Variants in NBAS observed in about 807,000 individuals in gnomAD.
NBAS encodes NAG/BC035112 fusion.
NBAS carries 219 observed loss-of-function variants against 302.5 expected under a neutral mutation model. The ratio of observed to expected loss-of-function variants is 0.72; its 90% CI spans 0.65 to 0.81. The LOEUF (loss-of-function observed/expected upper bound fraction) is 0.81, where lower values mean the gene tolerates loss of function less well. Ranked by LOEUF, NBAS falls within the 30% of genes least tolerant of loss-of-function variation. The probability of loss-of-function intolerance (pLI) is 0.00; values close to 1 mark genes in which losing one functional copy is unlikely to be tolerated. For synonymous variants in NBAS, 1,118 were observed against 1,021.6 expected, an observed-to-expected ratio of 1.09 and a Z score of -1.80; for missense variants, 2,932 against 2,841.6, an observed-to-expected ratio of 1.03 and a Z score of -0.72.
chr2:15,405,920 A>G (rs1572796958), intron 25 of NBAS, among the ~76,000 whole-genome samples: 1 of 152,262 alleles, frequency 6.6e-6, no homozygotes, highest in Admixed American at 6.5e-5. Flanking sequence ...TTAAGAATAC[A>G]TAAACTAATA....
At chr2:14,807,391 C>A in the NBAS span, among the ~76,000 whole-genome samples, 1 of 151,904 alleles carries the variant, frequency 6.6e-6, no homozygotes, top group Non-Finnish European at 1.5e-5. Context: ...AAATAATTAT[C>A]CATAGCTCTT....
intron 10 of NBAS, among the ~76,000 whole-genome samples, chr2:15,509,298 G>A (rs941663869): frequency 2.4e-4 from 36 of 152,202 alleles, no homozygotes; most frequent in African/African-American, 8.4e-4. Context: ...GGTGCCTTAG[G>A]CTCCTTATTT....
chr2:15,479,296 G>A (rs569462680), intron 12 of NBAS, among the ~76,000 whole-genome samples: 1 of 152,198 alleles, frequency 6.6e-6, no homozygotes, highest in African/African-American at 2.4e-5. Flanking sequence ...CATAAGAAAC[G>A]ATGACTAAGT....
chr2:15,263,120 A>C (rs2148019912), intron 44 of NBAS, among the ~76,000 whole-genome samples: 1 of 152,280 alleles, frequency 6.6e-6, no homozygotes, highest in South Asian at 2.1e-4. Context: ...TCCTTTCTCC[A>C]ATCATCACAA....
At chr2:15,086,436 C>T in the NBAS span, among the ~76,000 whole-genome samples, 1 of 152,222 alleles carries the variant, frequency 6.6e-6, no homozygotes, top group Non-Finnish European at 1.5e-5. Flanking sequence ...AGGACAAGAA[C>T]TCAGGACCCA....
chr2:14,993,581 C>T, the NBAS span, among the ~76,000 whole-genome samples: 4 of 152,178 alleles, frequency 2.6e-5, no homozygotes, highest in Non-Finnish European at 2.9e-5. Flanking sequence ...AATTTTGAAT[C>T]ACAAAATTTG....
At chr2:14,780,065 G>C in the NBAS span, among the ~76,000 whole-genome samples, 1 of 152,130 alleles carries the variant, frequency 6.6e-6, no homozygotes, top group African/African-American at 2.4e-5. Flanking sequence ...CATGTGGAGA[G>C]CAGAACTGAA....
chr2:14,945,439 C>T, the NBAS span, among the ~76,000 whole-genome samples: 1 of 152,102 alleles, frequency 6.6e-6, no homozygotes, highest in South Asian at 2.1e-4. Flanking sequence ...AGAAACAAAG[C>T]AAGGAAACAG....
chr2:15,282,100 T>C (rs1359273325), intron 42 of NBAS, among the ~76,000 whole-genome samples: 2 of 152,216 alleles, frequency 1.3e-5, no homozygotes, highest in African/African-American at 2.4e-5. Context: ...TCAACATTCC[T>C]ACTCTAACAA....
At chr2:14,919,152 C>G in the NBAS span, among the ~76,000 whole-genome samples, 4 of 152,016 alleles carry the variant, frequency 2.6e-5, no homozygotes, top group African/African-American at 9.7e-5. Context: ...ATACATGCAT[C>G]TCACCTTGGA....
chr2:15,013,854 C>T, the NBAS span, among the ~76,000 whole-genome samples: 6 of 151,694 alleles, frequency 4.0e-5, no homozygotes, highest in African/African-American at 1.5e-4. Flanking sequence ...ATTCAAAACC[C>T]AACTATATGC....
the NBAS span, among the ~76,000 whole-genome samples, chr2:15,098,579 TATTATATATTA>T: frequency 8.8e-6 from 1 of 114,268 alleles, no homozygotes; most frequent in African/African-American, 3.9e-5. Context: ...GTATATAATG[TATTATATATTA>T]TATATATTAT....
the NBAS span, among the ~76,000 whole-genome samples, chr2:15,120,367 C>G: frequency 2.0e-5 from 3 of 152,108 alleles, no homozygotes; most frequent in African/African-American, 7.2e-5. Flanking sequence ...AACTGATGTT[C>G]AGAGAGATTA....
At chr2:14,993,020 G>T in the NBAS span, among the ~76,000 whole-genome samples, 1 of 152,188 alleles carries the variant, frequency 6.6e-6, no homozygotes, top group Non-Finnish European at 1.5e-5. Context: ...ATGTTTGTGA[G>T]AAACTGTTCC....
chr2:14,806,549 C>A, the NBAS span, among the ~76,000 whole-genome samples: 4 of 152,200 alleles, frequency 2.6e-5, no homozygotes, highest in Non-Finnish European at 4.4e-5. Flanking sequence ...GACACACAGA[C>A]CCCTCAGAGT....
chr2:15,146,595 A>C, the NBAS span, among the ~76,000 whole-genome samples: 45,008 of 151,960 alleles, frequency 0.3, 6,963 homozygotes, highest in African/African-American at 0.37. Context: ...TGCCATGTCC[A>C]GTGAGAATGA....
chr2:14,854,383 G>A, the NBAS span, among the ~76,000 whole-genome samples: 7 of 152,014 alleles, frequency 4.6e-5, no homozygotes, highest in East Asian at 1.4e-3. Flanking sequence ...AATAGAAAGT[G>A]CCATCAACCC....
At chr2:15,480,508 G>T (rs1163778998) in intron 12 of NBAS, among the ~76,000 whole-genome samples, 2 of 151,992 alleles carry the variant, frequency 1.3e-5, no homozygotes, top group East Asian at 3.9e-4. Context: ...AAGGTATAGG[G>T]GCCTTCGAAG....
At chr2:15,051,351 T>C in the NBAS span, among the ~76,000 whole-genome samples, 4 of 152,244 alleles carry the variant, frequency 2.6e-5, no homozygotes, top group South Asian at 8.3e-4. Flanking sequence ...TGTGTGGAAT[T>C]TATAGCTACA....
Sources: gnomAD v4.1 joint callset for allele counts (sites outside exome capture counted in the v4.1 genomes callset) on GRCh38, gnomAD v4.1.1 for gene constraint, MANE v1.5 for transcripts, NCBI Gene and HGNC (gene_info 2026-07-23, HGNC 2026-07-21) for gene names.